Variants in HELZ observed in about 807,000 individuals in gnomAD.
HELZ encodes the protein helicase with zinc finger, also known as ATP-dependent RNA helicase with zinc finger domain.
HELZ carries 23 observed loss-of-function variants against 218.2 expected under a neutral mutation model. The ratio of observed to expected loss-of-function variants is 0.11; its 90% CI spans 0.08 to 0.15. The LOEUF is 0.15. Ranked by LOEUF, HELZ falls within the 10% of genes least tolerant of loss-of-function variation. HELZ has a pLI of 1.00. For missense variants in HELZ, 1,813 were observed against 2,353.7 expected, an observed-to-expected ratio of 0.77 and a Z score of 4.75; for synonymous variants, 814 against 829.4, an observed-to-expected ratio of 0.98 and a Z score of 0.32.
chr17:67,137,768 T>C (rs1438896185), intron 22 of HELZ, among the ~76,000 whole-genome samples, 163 bp downstream of exon 22: 1 of 152,212 alleles, frequency 6.6e-6, no homozygotes, highest in Non-Finnish European at 1.5e-5. Flanking sequence ...TTAATAAACA[T>C]GTAAATGAAT....
chr17:67,138,864 T>C (rs902274784), intron 21 of HELZ, among the ~76,000 whole-genome samples: 5 of 152,212 alleles, frequency 3.3e-5, no homozygotes, highest in Admixed American at 6.5e-5. Context: ...ACAGTTTCAA[T>C]GTCTGGCACA....
chr17:67,204,406 CACA>C (rs1390141437), intron 5 of HELZ, among the ~76,000 whole-genome samples: 2 of 152,122 alleles, frequency 1.3e-5, no homozygotes, highest in Non-Finnish European at 2.9e-5. Context: ...GATCAATGTT[CACA>C]ACATTTTTAC....
At chr17:67,086,625 AATATAAATATATATATAT>A (rs1555594153) in intron 32 of HELZ, among the ~76,000 whole-genome samples, 186 bp downstream of exon 32, 1,261 of 38,542 alleles carry the variant, frequency 0.033, 22 homozygotes, top group South Asian at 0.14. Context: ...AATAAATATA[AATATAAATATATATATAT>A]ATATATATAT....
chr17:67,157,255 C>T (rs2038871186), intron 17 of HELZ, among the ~76,000 whole-genome samples: 1 of 152,136 alleles, frequency 6.6e-6, no homozygotes, highest in South Asian at 2.1e-4. Context: ...CGGCCTAATA[C>T]ACTCATCAAC....
intron 13 of HELZ, among the ~76,000 whole-genome samples, chr17:67,168,278 C>G (rs979564752): frequency 6.6e-6 from 1 of 151,926 alleles, no homozygotes; most frequent in Non-Finnish European, 1.5e-5. Flanking sequence ...CATGCCTGGT[C>G]AACAAAACTT....
chr17:67,085,532 A>G (rs1308298048), intron 32 of HELZ, among the ~76,000 whole-genome samples: 1 of 145,896 alleles, frequency 6.9e-6, no homozygotes, highest in Non-Finnish European at 1.5e-5. Flanking sequence ...TTGCCAGGAA[A>G]TAAAAGCAAA....
chr17:67,138,240 ACT>A, intron 21 of HELZ, 126 bp from the exon 22 acceptor site: 49 of 656,026 alleles, frequency 7.5e-5, no homozygotes, highest in Non-Finnish European at 1.0e-4. Flanking sequence ...AAAAAAAAAA[ACT>A]ACCCCTAAAT....
rs954011128 is a variant in HELZ, at chr17:67,244,973, C to T, written c.-132+175G>A. The T allele has an allele frequency of 2.9e-4, 281 of 985,896 alleles. 3 individuals are homozygous for T. The highest frequency in any genetic ancestry group is 2.8e-5 in the Non-Finnish European group (23 of 830,458). 61.1% of individuals were successfully genotyped at this position (985,896 alleles called of 1,614,324 possible). The stretch of plus-strand genomic sequence containing the variant: ...AACAGCCCCAGCGTCCGGGCCTCGC[C>T]TCGAAGAGCCGCGCTTCCCAGGCCC... On this transcript the variant is annotated intron_variant, in intron 1 of 32. Coordinates refer to ENST00000358691, the MANE Select transcript of HELZ (RefSeq NM_014877.4).
In HELZ at chr17:67,160,938, T is replaced by C. The variant is rs1172885068; in HGVS notation, c.2034A>G (p.Leu678=). ...GCAGAATATGTTTGACAGCCTGAGC[T>C]AGAGTGAACGTTTTGCCTGTCCCAT... The part of the protein sequence containing the change: ...GPYGTGKTFT[L]AQAVKHILQQ... Residue 678 remains leucine, a synonymous_variant, in exon 16 of 33, where the codon CTA becomes CTG. Transcript: ENST00000358691. The C allele has an allele frequency of 6.2e-7, 1 of 1,613,466 alleles. No individual in the cohort carries two copies. Among genetic ancestry groups the C allele is most frequent in the East Asian group, 2.2e-5 (1 of 44,850 alleles).
chr17:67,093,165 C>T (rs2036626409), intron 31 of HELZ, among the ~76,000 whole-genome samples: 1 of 152,150 alleles, frequency 6.6e-6, no homozygotes, highest in Non-Finnish European at 1.5e-5. Flanking sequence ...AACTGGTGTT[C>T]TCAGAAAAGG....
chr17:67,079,404 C>T (rs1382856591), intron 32 of HELZ, among the ~76,000 whole-genome samples: 1 of 152,142 alleles, frequency 6.6e-6, no homozygotes, highest in Non-Finnish European at 1.5e-5. Flanking sequence ...TATTTCATAA[C>T]TTACTTATGT....
chr17:67,180,981 A>G (rs1022262475), intron 12 of HELZ, among the ~76,000 whole-genome samples: 7 of 151,886 alleles, frequency 4.6e-5, no homozygotes, highest in African/African-American at 1.7e-4. Context: ...TGAACCCAAG[A>G]GGCAGAGGAT....
rs1283518787 is a variant in HELZ at position 67,108,353 on chromosome 17, C to G, written c.4724+139G>C. On this transcript the variant is annotated intron_variant, in intron 30 of 32. Transcript: ENST00000358691. This position sits in a 1 kb window ranked among gnomAD's most constrained non-coding sequence, Gnocchi z 4.1. ...CTGTATTTTAGAGTCAACAAGAGAA[C>G]TGTGTAGCGTGTGCTTGGAAGGCCA... 7.8e-6 allele frequency: 5 copies of G among 643,650 alleles called. No individual in the cohort carries two copies. In the East Asian group the frequency reaches 1.4e-4, roughly 18 times the overall value. 39.9% of individuals were successfully genotyped at this position (643,650 alleles called of 1,614,324 possible).
chr17:67,190,487 T>A, intron 9 of HELZ, 132 bp from the exon 10 acceptor site: 1 of 658,326 alleles, frequency 1.5e-6, no homozygotes, highest in South Asian at 1.9e-5. Flanking sequence ...TTTATCGTAC[T>A]GTCTTGTACA....
At position 67,078,559 on chromosome 17, in the gene HELZ, T is replaced by C; in HGVS notation, c.5522A>G (p.Glu1841Gly). 6.7e-7 allele frequency: 1 copy of C among 1,496,058 alleles called. No individual in the cohort carries two copies. The highest frequency in any genetic ancestry group is 8.9e-7 in the Non-Finnish European group (1 of 1,123,662). 92.7% of individuals were successfully genotyped at this position (1,496,058 alleles called of 1,614,324 possible). ...IAPPKTVKPP[E>G]DQLKSENLEV... The stretch of plus-strand genomic sequence containing the variant: ...GAGGTTCTCCGACTTCAGTTGATCC[T>C]CAGGGGGTTTGACAGTCTTGGGTGG... Residue 1841 changes from glutamate to glycine, a missense_variant, in exon 33 of 33, where the codon GAG (glutamate) becomes GGG (glycine). Coordinates refer to ENST00000358691, the MANE Select transcript of HELZ (RefSeq NM_014877.4).
chr17:67,240,809 C>T (rs2041297772), intron 2 of HELZ, among the ~76,000 whole-genome samples: 1 of 152,162 alleles, frequency 6.6e-6, no homozygotes, highest in Non-Finnish European at 1.5e-5. Flanking sequence ...TGACCCAGTA[C>T]AATTCACAAA....
intron 20 of HELZ, among the ~76,000 whole-genome samples, 185 bp from the exon 21 acceptor site, chr17:67,146,075 A>G (rs1021565723): frequency 6.6e-6 from 1 of 152,238 alleles, no homozygotes; most frequent in African/African-American, 2.4e-5. Context: ...GGGTCCTGGC[A>G]TAATATTGTT....
chr17:67,181,210 G>A (rs903821456), intron 12 of HELZ, among the ~76,000 whole-genome samples: 4 of 152,072 alleles, frequency 2.6e-5, no homozygotes, highest in African/African-American at 9.7e-5. Flanking sequence ...AATTCAGACT[G>A]TGCCTAGATT....
Position 67,120,402 on chromosome 17 carries a change from T to A in HELZ, c.3838+3A>T. 6.2e-7 allele frequency: 1 copy of A among 1,612,766 alleles called. No individual in the cohort carries two copies. Among genetic ancestry groups the A allele is most frequent in the Non-Finnish European group, 8.5e-7 (1 of 1,178,806 alleles). On this transcript the variant is annotated splice_donor_region_variant and intron_variant, in intron 27 of 32. Transcript: ENST00000358691. ...AACAGGAGAACAGCGAAGTACAACTTACCATTTCGATTTTGCTCATGTTGA... is the reference window on the plus strand; with the variant it reads ...AACAGGAGAACAGCGAAGTACAACTAACCATTTCGATTTTGCTCATGTTGA...
Sources: gnomAD v4.1 joint callset for allele counts (sites outside exome capture counted in the v4.1 genomes callset) on GRCh38, gnomAD v4.1.1 for gene constraint, Gnocchi (gnomAD v3.1) non-coding constraint, MANE v1.5 for transcripts, NCBI Gene and HGNC (gene_info 2026-07-23, HGNC 2026-07-21) for gene names.